LMF1: variants seen among roughly 807,000 people sequenced by gnomAD.
LMF1 encodes transmembrane protein 112.
Under a neutral mutation model 60.6 loss-of-function variants are expected in LMF1, and 68 were observed. The observed-to-expected ratio is 1.12, with a 90% CI of 0.92 to 1.37. LMF1 has a LOEUF of 1.37. Among genes scored for constraint, LMF1 ranks in the 40% most tolerant of loss-of-function variants. The pLI, the probability that LMF1 is intolerant of heterozygous loss-of-function variation, is 0.00. For missense variants in LMF1, 948 were observed against 767.2 expected (o/e 1.24, Z -2.78); for synonymous variants, 418 against 324.7 (o/e 1.29, Z -3.09).
At chr16:911,842 C>T (rs915628625) in intron 3 of LMF1, among the ~76,000 whole-genome samples, 15 of 152,172 alleles carry the variant, frequency 9.9e-5, no homozygotes, top group Middle Eastern at 6.8e-3. Context: ...GAACCAACAC[C>T]GGTCAGCCCC....
intron 9 of LMF1, chr16:869,370 C>G (rs769122144): frequency 4.9e-6 from 3 of 611,372 alleles, no homozygotes; most frequent in Non-Finnish European, 9.2e-6. Context: ...GAGACGGGAC[C>G]GGGAGGACAG....
intron 10 of LMF1, among the ~76,000 whole-genome samples, chr16:863,856 AAT>A (rs1345020294): frequency 6.6e-6 from 1 of 152,180 alleles, no homozygotes; most frequent in Non-Finnish European, 1.5e-5. Context: ...TCTCTTTTCT[AAT>A]GTATGCATTT....
chr16:911,225 C>T, intron 3 of LMF1, 146 bp from the exon 4 acceptor site: 1 of 940,464 alleles, frequency 1.1e-6, no homozygotes, highest in Non-Finnish European at 1.7e-6. Flanking sequence ...ACGTATTAGT[C>T]TCAACATCGA....
At chr16:877,988 G>A (rs1339225286) in intron 6 of LMF1, among the ~76,000 whole-genome samples, 1 of 152,088 alleles carries the variant, frequency 6.6e-6, no homozygotes, top group Non-Finnish European at 1.5e-5. Flanking sequence ...GTGGGGTCTG[G>A]CTACACAGAA....
chr16:905,461 T>TG (rs139756694), intron 4 of LMF1, among the ~76,000 whole-genome samples: 2,002 of 152,282 alleles, frequency 0.013, 40 homozygotes, highest in African/African-American at 0.046. Flanking sequence ...CAGCTGTTCT[T>TG]GGGGGGAGGA....
At chr16:960,383 C>A (rs1469987271) in intron 1 of LMF1, among the ~76,000 whole-genome samples, 2 of 97,928 alleles carry the variant, frequency 2.0e-5, no homozygotes, top group Non-Finnish European at 2.0e-5. Flanking sequence ...ACGGTGACAG[C>A]ACGGGATCAC....
intron 2 of LMF1, among the ~76,000 whole-genome samples, chr16:944,966 C>A (rs1306973450): frequency 2.6e-5 from 4 of 151,918 alleles, no homozygotes; most frequent in African/African-American, 9.7e-5. Flanking sequence ...GTAATCCCAG[C>A]AGTTTGGGAG....
intron 10 of LMF1, among the ~76,000 whole-genome samples, chr16:864,188 T>A (rs2069546343): frequency 6.6e-6 from 1 of 152,262 alleles, no homozygotes; most frequent in African/African-American, 2.4e-5. Context: ...TCATTGTCCG[T>A]CTTTGTCTCC....
chr16:858,910 G>C (rs1596829296), intron 10 of LMF1, among the ~76,000 whole-genome samples: 1 of 102,878 alleles, frequency 9.7e-6, no homozygotes. Context: ...TCTCGGGACG[G>C]GTGTGCAGTG....
intron 3 of LMF1, among the ~76,000 whole-genome samples, chr16:930,415 T>C (rs1413813912): frequency 6.6e-6 from 1 of 152,168 alleles, no homozygotes; most frequent in Non-Finnish European, 1.5e-5. Flanking sequence ...AGTTAAAAAT[T>C]AGCTGGCCAT....
intron 1 of LMF1, chr16:979,782 G>T (rs1441175054): frequency 2.2e-6 from 1 of 454,102 alleles, no homozygotes; most frequent in Admixed American, 2.3e-5. Context: ...GGCAGGGGGT[G>T]GAAGGTGGCA....
At chr16:881,640 AC>A (rs1377992253) in intron 5 of LMF1, 1 of 152,296 alleles carries the variant, frequency 6.6e-6, no homozygotes, top group Non-Finnish European at 1.5e-5. Context: ...CCCATGTGGG[AC>A]CCACCCCCTA....
chr16:934,939 C>A (rs960316799), intron 2 of LMF1, among the ~76,000 whole-genome samples: 1 of 152,180 alleles, frequency 6.6e-6, no homozygotes, highest in Non-Finnish European at 1.5e-5. Flanking sequence ...CCGCAAGAGG[C>A]GGGCAGGATG....
At chr16:913,039 A>G (rs116955131) in intron 3 of LMF1, among the ~76,000 whole-genome samples, 1,828 of 152,316 alleles carry the variant, frequency 0.012, 20 homozygotes, top group South Asian at 0.094. Flanking sequence ...ACACGCTGCC[A>G]CTGCCGGGGA....
chr16:863,840 C>T (rs2069537560), intron 10 of LMF1, among the ~76,000 whole-genome samples: 1 of 152,180 alleles, frequency 6.6e-6, no homozygotes, highest in African/African-American at 2.4e-5. Context: ...TTTCTAAAAT[C>T]TCAGGTCTCT....
At chr16:918,029 C>T (rs544306664) in intron 3 of LMF1, among the ~76,000 whole-genome samples, 7 of 152,322 alleles carry the variant, frequency 4.6e-5, no homozygotes, top group South Asian at 2.1e-4. Flanking sequence ...GGCGTCGGGA[C>T]GTGGCGCGGG....
chr16:874,087 G>T lies in LMF1; in HGVS notation c.898-2746C>A, dbSNP rs967645238. On this transcript the variant is annotated intron_variant, in intron 6 of 10. Coordinates refer to ENST00000262301, the MANE Select transcript of LMF1 (RefSeq NM_022773.4). The surrounding 1 kb of genome is among the most constrained non-coding windows in gnomAD (Gnocchi z 4.1). Reference sequence around the variant, plus strand: ...GCCGGGTGTGGGGGGGGTATGGGAAGTTCTGGAACCAGGCGGAGGCGGCGG... The same window carrying T: ...GCCGGGTGTGGGGGGGGTATGGGAATTTCTGGAACCAGGCGGAGGCGGCGG... Among the ~76,000 whole-genome samples, 2 of 152,226 alleles carry T rather than the reference G, an allele frequency of 1.3e-5. No individual in the cohort carries two copies. The highest frequency in any genetic ancestry group is 1.3e-4 in the Admixed American group (2 of 15,290).
intron 3 of LMF1, among the ~76,000 whole-genome samples, chr16:911,956 C>T (rs529876570): frequency 6.6e-6 from 1 of 152,270 alleles, no homozygotes; most frequent in Admixed American, 6.5e-5. Flanking sequence ...AATGCGGATG[C>T]GGGTCGCCAT....
At chr16:958,991 T>C (rs909253462) in intron 1 of LMF1, among the ~76,000 whole-genome samples, 5 of 152,154 alleles carry the variant, frequency 3.3e-5, no homozygotes, top group Non-Finnish European at 7.3e-5. Context: ...CCGGGGATGC[T>C]GTGGCCTACC....
Sources: allele counts gnomAD v4.1 joint callset (sites outside exome capture counted in the v4.1 genomes callset), GRCh38; gene constraint gnomAD v4.1.1; non-coding constraint Gnocchi (gnomAD v3.1); transcripts MANE v1.5; gene names NCBI Gene and HGNC (gene_info 2026-07-23, HGNC 2026-07-21).